RAC1: variants seen among roughly 807,000 people sequenced by gnomAD.
RAC1 encodes ras-related C3 botulinum toxin substrate 1.
A neutral mutation model predicts 25.2 loss-of-function variants in RAC1; 2 were observed. That is an observed-to-expected ratio of 0.08 (90% CI 0.03 to 0.25). The LOEUF (loss-of-function observed/expected upper bound fraction) is 0.25, where lower values mean the gene tolerates loss of function less well. Among genes scored for constraint, RAC1 ranks in the 10% least tolerant of loss-of-function variants. The pLI is 1.00. For missense variants in RAC1, 50 were observed against 235.7 expected (o/e 0.21, Z 5.16); for synonymous variants, 88 against 94.0 (o/e 0.94, Z 0.37).
chr7:6,387,129 C>T (rs1782944394), intron 1 of RAC1, 83 bp from the exon 2 acceptor site: 2 of 910,596 alleles, frequency 2.2e-6, no homozygotes, highest in African/African-American at 1.7e-5. Context: ...GATTTTTTTT[C>T]TCTAGAAATT....
At chr7:6,387,730 G>GA (rs563081278) in intron 2 of RAC1, among the ~76,000 whole-genome samples, 13,193 of 133,080 alleles carry the variant, frequency 0.099, 947 homozygotes, top group African/African-American at 0.21. Flanking sequence ...CATCTCAAAA[G>GA]AAAAAAAAAA....
chr7:6,382,443 C>T (rs1782794333), intron 1 of RAC1, among the ~76,000 whole-genome samples: 1 of 152,082 alleles, frequency 6.6e-6, no homozygotes, highest in Admixed American at 6.6e-5. Context: ...CTTCTTGGAT[C>T]TTTTATTTTT....
At chr7:6,375,670 CT>C (rs561981460) in intron 1 of RAC1, among the ~76,000 whole-genome samples, 1,524 of 144,602 alleles carry the variant, frequency 0.011, 18 homozygotes, top group African/African-American at 0.033. Flanking sequence ...TTCTTTCTTT[CT>C]TTTTTTTTTT....
Position 6,403,840 on chromosome 7 carries a change from T to A in RAC1, c.*1394T>A. On this transcript the variant is annotated 3_prime_UTR_variant, in exon 6 of 6. Transcript: ENST00000348035. ...CTGGCGAGAATACAGCGTGGGACCC[T>A]TCAGCCACTACAACAGAATTTTTTA... 1 of 221,674 alleles carries A rather than the reference T, an allele frequency of 4.5e-6. No individual in the cohort carries two copies. Among genetic ancestry groups the A allele is most frequent in the Non-Finnish European group, 9.1e-6 (1 of 110,486 alleles). 13.7% of individuals were successfully genotyped at this position (221,674 alleles called of 1,614,324 possible).
intron 2 of RAC1, among the ~76,000 whole-genome samples, chr7:6,388,272 C>T (rs148780877): frequency 6.6e-6 from 1 of 151,884 alleles, no homozygotes; most frequent in African/African-American, 2.4e-5. Flanking sequence ...TGTTCACCTC[C>T]TCAGGCACAA....
intron 2 of RAC1, among the ~76,000 whole-genome samples, chr7:6,388,954 A>G (rs1783003574): frequency 6.6e-6 from 1 of 152,136 alleles, no homozygotes; most frequent in Non-Finnish European, 1.5e-5. Context: ...TAATCCCAGC[A>G]CTTTGGGAGG....
At chr7:6,385,682 A>G (rs2115191201) in intron 1 of RAC1, among the ~76,000 whole-genome samples, 1 of 152,316 alleles carries the variant, frequency 6.6e-6, no homozygotes, top group African/African-American at 2.4e-5. Flanking sequence ...TCATGAGTGA[A>G]TGAATATTGG....
At chr7:6,375,724 C>T (rs548182207) in intron 1 of RAC1, 4 of 151,032 alleles carry the variant, frequency 2.6e-5, no homozygotes, top group East Asian at 1.9e-4. Flanking sequence ...CTGTTCTTTG[C>T]TTAACGCGTT....
chr7:6,390,311 T>TA (rs1324831590), intron 2 of RAC1, among the ~76,000 whole-genome samples: 2 of 151,798 alleles, frequency 1.3e-5, no homozygotes, highest in African/African-American at 4.8e-5. Context: ...ATGTAAATAA[T>TA]ACCACCTTAC....
At chr7:6,389,806 G>A (rs1783036237) in intron 2 of RAC1, among the ~76,000 whole-genome samples, 2 of 152,126 alleles carry the variant, frequency 1.3e-5, no homozygotes, top group Admixed American at 6.5e-5. Flanking sequence ...GATTACAGGC[G>A]TGAGCCACCA....
At chr7:6,380,003 C>G (rs1424694362) in intron 1 of RAC1, among the ~76,000 whole-genome samples, 2 of 152,152 alleles carry the variant, frequency 1.3e-5, no homozygotes, top group Non-Finnish European at 2.9e-5. Context: ...ACTCTTTATA[C>G]AAAGTGGAGT....
At chr7:6,400,213 T>G in intron 4 of RAC1, 25 bp downstream of exon 4, 1 of 1,562,072 alleles carries the variant, frequency 6.4e-7, no homozygotes, top group Non-Finnish European at 8.8e-7. Context: ...AAAATGTGTA[T>G]GTAAGTTATA....
intron 3 of RAC1, 25 bp from the exon 4 acceptor site, chr7:6,400,101 G>T (rs1164229819): frequency 2.5e-6 from 4 of 1,589,942 alleles, no homozygotes; most frequent in Non-Finnish European, 3.5e-6. Context: ...TTGTCTAAAT[G>T]TTTCCCTGTG....
Position 6,402,536 on chromosome 7 carries a change from A to AAAAAAAC in RAC1, c.*91_*92insAAAAACA. The AAAAAAAC allele has an allele frequency of 7.4e-6, 7 of 947,896 alleles. No homozygotes were observed. The highest frequency in any genetic ancestry group is 4.6e-5 in the Admixed American group (1 of 21,764). The allele number at this position is 947,896 out of a possible 1,614,324, so 58.7% of individuals were successfully genotyped here. ...ACAAAAAAAAAAAACAAAAAAAAAA[A>AAAAAAAC]ACAACGGTGGAGCCTTCGCACTCAA... On this transcript the variant is annotated 3_prime_UTR_variant, in exon 6 of 6. Coordinates refer to ENST00000348035, the MANE Select transcript of RAC1 (RefSeq NM_006908.5).
intron 4 of RAC1, 183 bp from the exon 5 acceptor site, chr7:6,401,685 A>C: frequency 1.9e-6 from 1 of 526,510 alleles, no homozygotes; most frequent in Non-Finnish European, 3.3e-6. Flanking sequence ...TTGCTAATGG[A>C]ACACCTGAGA....
chr7:6,379,299 G>C (rs1450866961), intron 1 of RAC1, among the ~76,000 whole-genome samples: 1 of 122,502 alleles, frequency 8.2e-6, no homozygotes, highest in African/African-American at 3.2e-5. Context: ...TTGAGAAGGA[G>C]TTTTCGCCCT....
chr7:6,396,562 T>TA (rs572324332), intron 3 of RAC1, among the ~76,000 whole-genome samples: 1 of 152,272 alleles, frequency 6.6e-6, no homozygotes, highest in African/African-American at 2.4e-5. Context: ...ATGCCACAGA[T>TA]ACGATCAGAG....
intron 1 of RAC1, among the ~76,000 whole-genome samples, chr7:6,381,004 G>A (rs779184107): frequency 3.6e-4 from 55 of 152,040 alleles, no homozygotes; most frequent in Non-Finnish European, 2.2e-4. Flanking sequence ...GAGTAGCTGG[G>A]CTTACAGGCA....
intron 2 of RAC1, among the ~76,000 whole-genome samples, chr7:6,388,141 G>T (rs906411092): frequency 6.6e-6 from 1 of 152,036 alleles, no homozygotes; most frequent in Admixed American, 6.6e-5. Flanking sequence ...AGACAGGAAA[G>T]TGCTGCTCTG....
Sources: gnomAD v4.1 joint callset for allele counts (sites outside exome capture counted in the v4.1 genomes callset) on GRCh38, gnomAD v4.1.1 for gene constraint, MANE v1.5 for transcripts, NCBI Gene and HGNC (gene_info 2026-07-23, HGNC 2026-07-21) for gene names.